STXBP5: variants seen among roughly 807,000 people sequenced by gnomAD.
The protein encoded by STXBP5 is syntaxin-binding protein 5.
In STXBP5, 50 loss-of-function variants were observed where a neutral mutation model predicts 152.4. That is an observed-to-expected ratio of 0.33 (90% CI 0.26 to 0.42). STXBP5 has a LOEUF of 0.42. Among genes scored for constraint, STXBP5 ranks in the 10% least tolerant of loss-of-function variants. The pLI is 1.00. For synonymous variants in STXBP5, 492 were observed against 494.7 expected, an observed-to-expected ratio of 0.99 and a Z score of 0.07; for missense variants, 1,167 against 1,388.6, an observed-to-expected ratio of 0.84 and a Z score of 2.54.
At chr6:147,230,620 A>G (rs147285597) in intron 2 of STXBP5, among the ~76,000 whole-genome samples, 78 of 151,864 alleles carry the variant, frequency 5.1e-4, no homozygotes, top group African/African-American at 1.8e-3. Context: ...TAAAGCAGGA[A>G]ATAACATTTA....
intron 2 of STXBP5, among the ~76,000 whole-genome samples, chr6:147,232,278 T>A (rs565079794): frequency 1.3e-4 from 20 of 151,820 alleles, no homozygotes; most frequent in Non-Finnish European, 2.4e-4. Flanking sequence ...AATGAACAAA[T>A]AAACAAACAA....
chr6:147,262,782 T>G (rs1779704302), intron 6 of STXBP5, among the ~76,000 whole-genome samples: 1 of 151,720 alleles, frequency 6.6e-6, no homozygotes, highest in South Asian at 2.1e-4. Flanking sequence ...TTGTCATAAA[T>G]AGTTCTAATT....
intron 16 of STXBP5, among the ~76,000 whole-genome samples, chr6:147,319,828 CT>C (rs55948948): frequency 0.14 from 10,020 of 71,604 alleles, 752 homozygotes; most frequent in African/African-American, 0.28. Flanking sequence ...TATCTGGATT[CT>C]TTTTTTTTTT....
At chr6:147,351,815 G>T in intron 21 of STXBP5, 1 of 984,932 alleles carries the variant, frequency 1.0e-6, no homozygotes, top group Non-Finnish European at 1.2e-6. Context: ...CCTAACACTG[G>T]ATTTGTCATT....
At chr6:147,240,138 C>T (rs1778469826) in intron 4 of STXBP5, among the ~76,000 whole-genome samples, 1 of 152,022 alleles carries the variant, frequency 6.6e-6, no homozygotes, top group Non-Finnish European at 1.5e-5. Context: ...GACGGGGTTT[C>T]GCCATGTTGG....
At chr6:147,337,652 C>T (rs1319329973) in intron 19 of STXBP5, among the ~76,000 whole-genome samples, 4 of 151,428 alleles carry the variant, frequency 2.6e-5, no homozygotes, top group Non-Finnish European at 5.9e-5. Flanking sequence ...CATTTTTGTA[C>T]ATTCATGTGG....
chr6:147,222,796 G>C (rs1408481811), intron 2 of STXBP5, among the ~76,000 whole-genome samples: 2 of 152,182 alleles, frequency 1.3e-5, no homozygotes, highest in South Asian at 2.1e-4. Flanking sequence ...AAGCTTTAGA[G>C]GTAAAATTTA....
intron 2 of STXBP5, among the ~76,000 whole-genome samples, chr6:147,231,869 A>G (rs893672209): frequency 2.0e-5 from 3 of 151,880 alleles, no homozygotes; most frequent in African/African-American, 4.8e-5. Context: ...AGGAAGAATC[A>G]TGTGTGCAAG....
intron 2 of STXBP5, among the ~76,000 whole-genome samples, chr6:147,206,729 A>G (rs1221674739): frequency 6.6e-6 from 1 of 152,152 alleles, no homozygotes; most frequent in Non-Finnish European, 1.5e-5. Context: ...AACTAGTAGT[A>G]TAGAATTACT....
intron 2 of STXBP5, among the ~76,000 whole-genome samples, chr6:147,209,802 A>C (rs1460498969): frequency 6.6e-6 from 1 of 152,186 alleles, no homozygotes; most frequent in Non-Finnish European, 1.5e-5. Flanking sequence ...ACAGGGAGGA[A>C]GGAGTGGGAA....
At chr6:147,319,275 T>G (rs1782793584) in intron 16 of STXBP5, among the ~76,000 whole-genome samples, 1 of 152,132 alleles carries the variant, frequency 6.6e-6, no homozygotes, top group South Asian at 2.1e-4. Flanking sequence ...TTTAAATCTC[T>G]TACCCAAACC....
intron 2 of STXBP5, among the ~76,000 whole-genome samples, chr6:147,217,097 G>C (rs1050142386): frequency 6.6e-6 from 1 of 152,166 alleles, no homozygotes; most frequent in African/African-American, 2.4e-5. Flanking sequence ...CAGTACCTCT[G>C]CTGTTTCACA....
intron 21 of STXBP5, among the ~76,000 whole-genome samples, chr6:147,339,663 G>A (rs994339540): frequency 8.6e-5 from 13 of 151,782 alleles, no homozygotes; most frequent in South Asian, 2.1e-4. Context: ...AATTTATGCC[G>A]TAAGTAACAC....
chr6:147,370,379 A>G lies in STXBP5; in HGVS notation c.3082-3352A>G, dbSNP rs541193809. Among the ~76,000 whole-genome samples, 5 of 152,160 alleles carry G rather than the reference A, an allele frequency of 3.3e-5. No homozygotes were observed. The South Asian group carries it at 8.3e-4, about 25-fold the overall frequency. On this transcript the variant is annotated intron_variant, in intron 25 of 27. Coordinates refer to ENST00000321680, the MANE Select transcript of STXBP5 (RefSeq NM_001127715.4). ...ATTCACCAAATTGTACACCTCAAAT[A>G]TATGCCAGTTTTTGTATGTCGATTA...
chr6:147,328,490 A>T (rs1410711901), intron 18 of STXBP5, among the ~76,000 whole-genome samples: 1 of 152,154 alleles, frequency 6.6e-6, no homozygotes, highest in Non-Finnish European at 1.5e-5. Flanking sequence ...AAATTTTACA[A>T]TTCATGGGGG....
At chr6:147,303,025 TC>T (rs1031474169) in intron 9 of STXBP5, among the ~76,000 whole-genome samples, 2 of 152,182 alleles carry the variant, frequency 1.3e-5, no homozygotes, top group Non-Finnish European at 2.9e-5. Flanking sequence ...AAAGAGGTTT[TC>T]CGTGGCTCTC....
chr6:147,323,305 G>T (rs1783032117), intron 16 of STXBP5, among the ~76,000 whole-genome samples: 1 of 151,974 alleles, frequency 6.6e-6, no homozygotes, highest in South Asian at 2.1e-4. Flanking sequence ...CTTCCCAATT[G>T]GTGACCCTGT....
chr6:147,347,657 A>G (rs766020867), intron 21 of STXBP5, among the ~76,000 whole-genome samples: 8 of 152,224 alleles, frequency 5.3e-5, no homozygotes, highest in South Asian at 2.1e-4. Flanking sequence ...CTGAGAGCCA[A>G]TATTTACTGT....
intron 18 of STXBP5, chr6:147,328,928 A>G (rs1311716573): frequency 3.6e-6 from 1 of 280,134 alleles, no homozygotes; most frequent in Non-Finnish European, 7.1e-6. Flanking sequence ...GTATATGAAA[A>G]CAGCTATTTA....
Sources: gnomAD v4.1 joint callset for allele counts (sites outside exome capture counted in the v4.1 genomes callset) on GRCh38, gnomAD v4.1.1 for gene constraint, MANE v1.5 for transcripts, NCBI Gene and HGNC (gene_info 2026-07-23, HGNC 2026-07-21) for gene names.